DNAJC17: variants seen among roughly 807,000 people sequenced by gnomAD.
DNAJC17 encodes dnaJ homolog subfamily C member 17.
In DNAJC17, 35 loss-of-function variants were observed where a neutral mutation model predicts 48.1. That is an observed-to-expected ratio of 0.73 (90% confidence interval 0.56 to 0.96). The LOEUF (loss-of-function observed/expected upper bound fraction) is 0.96. DNAJC17 is among the 50% of genes least tolerant of loss of function. The probability of loss-of-function intolerance (pLI) is 0.00; values close to 1 mark genes in which losing one functional copy is unlikely to be tolerated. For missense variants in DNAJC17, 355 were observed against 377.1 expected, an observed-to-expected ratio of 0.94 and a Z score of 0.48; for synonymous variants, 117 against 142.7, an observed-to-expected ratio of 0.82 and a Z score of 1.28.
At position 40,765,946 on chromosome 15, in the gene DNAJC17, C is replaced by T; in HGVS notation, c.*1994G>A. The stretch of plus-strand genomic sequence containing the variant: ...TGTAAGTAGCAGCCTCCCTCAGTAT[C>T]CTCTCCCTGCCAGCCCCTAGACCTG... On this transcript the variant is annotated 3_prime_UTR_variant, in exon 11 of 11. Transcript: ENST00000220496. 2 of 1,253,066 alleles carry T rather than the reference C, an allele frequency of 1.6e-6. No homozygotes were observed. Among genetic ancestry groups the T allele is most frequent in the East Asian group, 4.9e-5 (2 of 40,536 alleles). The allele number at this position is 1,253,066 out of a possible 1,614,324, so 77.6% of individuals were successfully genotyped here.
intron 1 of DNAJC17, among the ~76,000 whole-genome samples, chr15:40,804,945 T>C (rs1327788013): frequency 6.6e-6 from 1 of 151,742 alleles, no homozygotes; most frequent in African/African-American, 2.4e-5. Context: ...GAGGTTGCAG[T>C]GAGCCAAGGT....
chr15:40,788,127 A>G (rs567599247), intron 1 of DNAJC17, among the ~76,000 whole-genome samples: 2 of 152,164 alleles, frequency 1.3e-5, no homozygotes, highest in South Asian at 4.1e-4. Flanking sequence ...ACAGTGAGTG[A>G]TAACAGCTGG....
At chr15:40,787,906 A>AT (rs1325886881) in intron 1 of DNAJC17, among the ~76,000 whole-genome samples, 1 of 152,216 alleles carries the variant, frequency 6.6e-6, no homozygotes, top group Non-Finnish European at 1.5e-5. Flanking sequence ...AGGGATCATT[A>AT]TTTTTTAAAA....
intron 1 of DNAJC17, among the ~76,000 whole-genome samples, chr15:40,802,993 C>T (rs1450937628): frequency 6.6e-6 from 1 of 151,780 alleles, no homozygotes; most frequent in Non-Finnish European, 1.5e-5. Context: ...GTCCCAGCTA[C>T]TTTTGAGGCT....
chr15:40,788,551 C>T (rs1018959847), intron 1 of DNAJC17, among the ~76,000 whole-genome samples: 25 of 152,094 alleles, frequency 1.6e-4, no homozygotes, highest in African/African-American at 4.3e-4. Flanking sequence ...AAGAAATTAG[C>T]CGGGCATGGT....
chr15:40,796,637 G>T (rs1339151799), intron 1 of DNAJC17, among the ~76,000 whole-genome samples: 1 of 152,222 alleles, frequency 6.6e-6, no homozygotes, highest in Non-Finnish European at 1.5e-5. Flanking sequence ...TGGAACTCCT[G>T]TGTATTGCTG....
chr15:40,771,476 G>C (rs1246893392), intron 10 of DNAJC17: 1 of 193,226 alleles, frequency 5.2e-6, no homozygotes, highest in Non-Finnish European at 1.2e-5. Context: ...ACTGTCAACA[G>C]AGAGAGGTCA....
chr15:40,780,717 G>A, intron 1 of DNAJC17: 2 of 232,902 alleles, frequency 8.6e-6, no homozygotes, highest in South Asian at 5.1e-5. Context: ...GGGAGGCTGA[G>A]GCAGGAGAAT....
intron 1 of DNAJC17, among the ~76,000 whole-genome samples, chr15:40,782,308 C>T (rs1383765016): frequency 1.3e-5 from 2 of 151,952 alleles, no homozygotes; most frequent in African/African-American, 2.4e-5. Flanking sequence ...GCAGTACCAG[C>T]TACTAAGGAG....
At chr15:40,805,309 G>A (rs140182464) in intron 1 of DNAJC17, among the ~76,000 whole-genome samples, 1,858 of 151,054 alleles carry the variant, frequency 0.012, 19 homozygotes, top group Middle Eastern at 0.027. Context: ...CAGGAAGGCG[G>A]AGGTTGCAGT....
At chr15:40,782,535 C>T (rs957251099) in intron 1 of DNAJC17, among the ~76,000 whole-genome samples, 13 of 152,116 alleles carry the variant, frequency 8.5e-5, no homozygotes, top group African/African-American at 3.1e-4. Context: ...AGACAGTGTA[C>T]ACAACCCCAG....
At chr15:40,781,197 T>G (rs912184779) in intron 1 of DNAJC17, among the ~76,000 whole-genome samples, 1 of 145,474 alleles carries the variant, frequency 6.9e-6, no homozygotes, top group Non-Finnish European at 1.5e-5. Context: ...CCAGACATGG[T>G]GTAATCCTGT....
intron 1 of DNAJC17, among the ~76,000 whole-genome samples, chr15:40,782,800 G>T (rs1045446074): frequency 6.6e-6 from 1 of 152,088 alleles, no homozygotes; most frequent in African/African-American, 2.4e-5. Context: ...ACCTCTAGGG[G>T]TGTGCTGCCA....
chr15:40,788,553 G>A (rs1053426947), intron 1 of DNAJC17, among the ~76,000 whole-genome samples: 6 of 152,070 alleles, frequency 3.9e-5, no homozygotes, highest in East Asian at 1.9e-4. Flanking sequence ...GAAATTAGCC[G>A]GGCATGGTGG....
intron 1 of DNAJC17, among the ~76,000 whole-genome samples, chr15:40,790,508 G>A (rs1193187342): frequency 6.6e-6 from 1 of 152,160 alleles, no homozygotes; most frequent in South Asian, 2.1e-4. Flanking sequence ...GAACCCAGGA[G>A]GCGGAGGTTG....
chr15:40,790,020 G>T (rs977800986), intron 1 of DNAJC17, among the ~76,000 whole-genome samples: 4 of 151,530 alleles, frequency 2.6e-5, no homozygotes, highest in Non-Finnish European at 5.9e-5. Context: ...TATGCAAATG[G>T]AAAACATTTT....
intron 9 of DNAJC17, 159 bp downstream of exon 9, chr15:40,774,197 T>A: frequency 1.3e-6 from 1 of 780,920 alleles, no homozygotes; most frequent in East Asian, 2.5e-5. Flanking sequence ...GTGCCTCTAT[T>A]TCCAGGAGTC....
At chr15:40,804,156 G>T (rs1890145367) in intron 1 of DNAJC17, among the ~76,000 whole-genome samples, 1 of 151,398 alleles carries the variant, frequency 6.6e-6, no homozygotes, top group Non-Finnish European at 1.5e-5. Flanking sequence ...TAGAGAGAGA[G>T]ACAGGCTCTC....
intron 4 of DNAJC17, 111 bp from the exon 5 acceptor site, chr15:40,776,738 A>G (rs931895959): frequency 2.9e-6 from 3 of 1,021,854 alleles, no homozygotes; most frequent in Non-Finnish European, 4.5e-6. Context: ...ACGAGATCAT[A>G]CAGTAACTCT....
Sources: allele counts gnomAD v4.1 joint callset (sites outside exome capture counted in the v4.1 genomes callset), GRCh38; gene constraint gnomAD v4.1.1; transcripts MANE v1.5; gene names NCBI Gene and HGNC (gene_info 2026-07-23, HGNC 2026-07-21).